The following TFDP1 variants were observed in gnomAD, a reference collection of about 807,000 sequenced individuals.
TFDP1 encodes the protein transcription factor Dp-1, also known as DRTF1-polypeptide 1.
Under a neutral mutation model 48.0 loss-of-function variants are expected in TFDP1, and 6 were observed. The observed-to-expected ratio is 0.13, with a 90% CI of 0.07 to 0.25. TFDP1 has a LOEUF of 0.25. Among genes scored for constraint, TFDP1 ranks in the 10% least tolerant of loss-of-function variants. The probability of loss-of-function intolerance (pLI) is 1.00; values close to 1 mark genes in which losing one functional copy is unlikely to be tolerated. For synonymous variants in TFDP1, 201 were observed against 211.6 expected (o/e 0.95, Z 0.44); for missense variants, 335 against 543.0 (o/e 0.62, Z 3.81).
At position 113,636,598 on chromosome 13, in the gene TFDP1, C is replaced by T. The variant is rs764695558; in HGVS notation, c.904C>T (p.Arg302Trp). ...CCACGATGACATAGAAGTGCTGAAG[C>T]GGATGGGCATGGCTTGCGGGCTGGA... ...EIHDDIEVLK[R>W]MGMACGLESG... Residue 302 changes from arginine (R) to tryptophan (W), a missense_variant, in exon 10 of 12, where the codon CGG becomes TGG. Arg to Trp is a moderately radical substitution (Grantham distance 101). Coordinates refer to ENST00000375370, the MANE Select transcript of TFDP1 (RefSeq NM_007111.5). 1.2e-6 allele frequency: 2 copies of T among 1,614,048 alleles called. No homozygotes were observed. Among genetic ancestry groups the T allele is most frequent in the Non-Finnish European group, 1.7e-6 (2 of 1,180,042 alleles).
chr13:113,622,868 C>G (rs2049028639), intron 3 of TFDP1, among the ~76,000 whole-genome samples: 1 of 152,244 alleles, frequency 6.6e-6, no homozygotes, highest in Non-Finnish European at 1.5e-5. Context: ...GTCATAGAAT[C>G]ACAGACTTTT....
chr13:113,588,705 G>C (rs2048064772), intron 2 of TFDP1, among the ~76,000 whole-genome samples: 1 of 131,156 alleles, frequency 7.6e-6, no homozygotes, highest in Non-Finnish European at 1.7e-5. Context: ...TAGAGAGTGA[G>C]TGGTGGTGGA....
intron 8 of TFDP1, 114 bp from the exon 9 acceptor site, chr13:113,635,863 C>T (rs1396118518): frequency 4.7e-6 from 6 of 1,273,254 alleles, no homozygotes; most frequent in African/African-American, 1.5e-5. Flanking sequence ...TTCAGATGTC[C>T]AGGCCAACTC....
chr13:113,634,842 C>T (rs2049436433), intron 8 of TFDP1, among the ~76,000 whole-genome samples: 1 of 149,636 alleles, frequency 6.7e-6, no homozygotes, highest in African/African-American at 2.5e-5. Context: ...TGTGTGTGTG[C>T]ATGTGCCTGT....
chr13:113,634,372 C>A, intron 7 of TFDP1, 162 bp from the exon 8 acceptor site: 1 of 672,590 alleles, frequency 1.5e-6, no homozygotes. Context: ...AAAAACTCAC[C>A]TATATCTTGT....
intron 8 of TFDP1, among the ~76,000 whole-genome samples, chr13:113,634,822 C>T (rs1442310439): frequency 1.3e-5 from 2 of 149,052 alleles, no homozygotes; most frequent in South Asian, 2.1e-4. Flanking sequence ...TGCGTGCATG[C>T]ATGCATGTGT....
chr13:113,587,294 C>T (rs991518848), intron 2 of TFDP1, among the ~76,000 whole-genome samples: 2 of 151,810 alleles, frequency 1.3e-5, no homozygotes, highest in African/African-American at 4.8e-5. Context: ...TGCATAGGCA[C>T]AGGGGCTGGG....
chr13:113,596,436 G>A (rs971785490), intron 2 of TFDP1, among the ~76,000 whole-genome samples: 6 of 152,194 alleles, frequency 3.9e-5, no homozygotes, highest in East Asian at 3.9e-4. Context: ...TGTCTGCCTC[G>A]GTGTCATCCC....
chr13:113,604,625 C>T (rs977466894), intron 2 of TFDP1, among the ~76,000 whole-genome samples: 2 of 122,566 alleles, frequency 1.6e-5, no homozygotes, highest in South Asian at 3.0e-4. Flanking sequence ...CCTGTTGACA[C>T]GAGCACTGAG....
In TFDP1 at chr13:113,636,520, C is replaced by T; in HGVS notation, c.840-14C>T. On this transcript the variant is annotated splice_polypyrimidine_tract_variant and intron_variant, in intron 9 of 11. Coordinates refer to ENST00000375370, the MANE Select transcript of TFDP1 (RefSeq NM_007111.5). ...GGGAGACCCTGTCTTTCTGACTGTG[C>T]CTTTCCCCTTCAGATTTGAGTATCT... The T allele has an allele frequency of 6.2e-7, 1 of 1,612,330 alleles. No individual in the cohort carries two copies. Among genetic ancestry groups the T allele is most frequent in the Non-Finnish European group, 8.5e-7 (1 of 1,179,590 alleles).
intron 4 of TFDP1, 101 bp from the exon 5 acceptor site, chr13:113,631,522 G>C: frequency 6.9e-7 from 1 of 1,459,170 alleles, no homozygotes; most frequent in Non-Finnish European, 9.1e-7. Context: ...CTGTGGTTAA[G>C]GAAATTCAGC....
chr13:113,607,281 G>T lies in TFDP1; in HGVS notation c.13-3715G>T, dbSNP rs1594450307. Among the ~76,000 whole-genome samples, 1 of 152,246 alleles carries T rather than the reference G, an allele frequency of 6.6e-6. No homozygotes were observed. The highest frequency in any genetic ancestry group is 1.5e-5 in the Non-Finnish European group (1 of 68,044). ...CTCCAGGAGAAAGCTGAGGAAAGGG[G>T]CCAGCCGTGAGCTGCGGGTGCTTGC... is the stretch of plus-strand genomic sequence containing the variant. On this transcript the variant is annotated intron_variant, in intron 2 of 11. Coordinates refer to ENST00000375370, the MANE Select transcript of TFDP1 (RefSeq NM_007111.5). This position sits in a 1 kb window ranked among gnomAD's most constrained non-coding sequence, Gnocchi z 5.2.
chr13:113,632,988 G>T, intron 5 of TFDP1, 132 bp from the exon 6 acceptor site: 2 of 1,111,512 alleles, frequency 1.8e-6, no homozygotes, highest in Non-Finnish European at 1.3e-6. Context: ...TCACGTGTTG[G>T]ATCTGCTGCG....
At position 113,640,475 on chromosome 13, in the gene TFDP1, A is replaced by G. The variant is rs4150827; in HGVS notation, c.*208A>G. On this transcript the variant is annotated 3_prime_UTR_variant, in exon 12 of 12. Transcript: ENST00000375370. ...TGTGTGTTTTGATACCAGTGTGCTG[A>G]TGCAGAGCGTTTATTTACTTGTTAG... 1.5e-6 allele frequency: 1 copy of G among 675,156 alleles called. No homozygotes were observed. The highest frequency in any genetic ancestry group is 4.3e-5 in the Admixed American group (1 of 23,392). The allele number at this position is 675,156 out of a possible 1,614,324, so 41.8% of individuals were successfully genotyped here. A position where few individuals can be genotyped will look rare whatever the true frequency, so the allele number is the denominator to read the frequency against.
chr13:113,622,734 C>T (rs1192166000), intron 3 of TFDP1, among the ~76,000 whole-genome samples: 3 of 152,196 alleles, frequency 2.0e-5, no homozygotes, highest in African/African-American at 7.2e-5. Context: ...ACACTCCTTC[C>T]TAGGAACAAA....
At chr13:113,587,596 C>T (rs1319261585) in intron 2 of TFDP1, among the ~76,000 whole-genome samples, 4 of 150,164 alleles carry the variant, frequency 2.7e-5, no homozygotes, top group East Asian at 2.0e-4. Flanking sequence ...GCAATCCTCT[C>T]GCCTCAGCCT....
intron 10 of TFDP1, chr13:113,637,595 T>A: frequency 1.3e-6 from 2 of 1,524,688 alleles, no homozygotes; most frequent in Middle Eastern, 1.7e-4. Flanking sequence ...AGGTATTTAT[T>A]GCAAGGCTGT....
intron 2 of TFDP1, among the ~76,000 whole-genome samples, chr13:113,608,846 C>T (rs944657141): frequency 6.6e-6 from 1 of 152,218 alleles, no homozygotes; most frequent in Admixed American, 6.5e-5. Flanking sequence ...CTGGCTCAGC[C>T]ACCTGTCCAG....
At chr13:113,585,645 C>G (rs1392635682) in intron 1 of TFDP1, 129 bp from the exon 2 acceptor site, 1 of 552,804 alleles carries the variant, frequency 1.8e-6, no homozygotes, top group Non-Finnish European at 3.2e-6. Flanking sequence ...GCCAGCTCCG[C>G]TCTCAGGATG....
Sources: gnomAD v4.1 joint callset for allele counts (sites outside exome capture counted in the v4.1 genomes callset) on GRCh38, gnomAD v4.1.1 for gene constraint, Gnocchi (gnomAD v3.1) non-coding constraint, MANE v1.5 for transcripts, NCBI Gene and HGNC (gene_info 2026-07-23, HGNC 2026-07-21) for gene names.